The following INSL6 variants were observed in gnomAD, a reference collection of about 807,000 sequenced individuals.
INSL6 encodes the protein insulin like 6, also known as insulin-like peptide INSL6.
In INSL6, 16 loss-of-function variants were observed where a neutral mutation model predicts 9.4. The observed-to-expected ratio is 1.70, with a 90% confidence interval of 1.15 to 2.59. INSL6 has a LOEUF of 2.59. INSL6 is among the 30% of genes most tolerant of loss of function. The pLI, the probability that INSL6 is intolerant of heterozygous loss-of-function variation, is 0.00. For missense variants in INSL6, 391 were observed against 257.3 expected (o/e 1.52, Z -3.56); for synonymous variants, 154 against 96.9 (o/e 1.59, Z -3.46).
At chr9:5,087,833 T>C in the INSL6 span, among the ~76,000 whole-genome samples, 1 of 152,224 alleles carries the variant, frequency 6.6e-6, no homozygotes, top group East Asian at 1.9e-4. Flanking sequence ...CAAATATTTA[T>C]TTATAAGAAT....
the INSL6 span, chr9:5,050,844 T>G: frequency 6.2e-7 from 1 of 1,606,964 alleles, no homozygotes; most frequent in Non-Finnish European, 8.5e-7. Flanking sequence ...AATTTTCTTT[T>G]GCAAATCCTT....
chr9:5,175,710 G>GT (rs1825286973), intron 1 of INSL6, among the ~76,000 whole-genome samples: 1 of 152,102 alleles, frequency 6.6e-6, no homozygotes, highest in Non-Finnish European at 1.5e-5. Flanking sequence ...TCTTATAGGA[G>GT]TGTGAACCCT....
chr9:5,060,420 A>C, the INSL6 span, among the ~76,000 whole-genome samples: 3 of 152,204 alleles, frequency 2.0e-5, no homozygotes, highest in Non-Finnish European at 4.4e-5. Flanking sequence ...AGTCCTCTCA[A>C]ACCCTGCCAC....
chr9:5,174,578 C>T (rs1825256340), intron 1 of INSL6, among the ~76,000 whole-genome samples: 1 of 152,142 alleles, frequency 6.6e-6, no homozygotes, highest in East Asian at 1.9e-4. Flanking sequence ...GTTGGTGTTT[C>T]TGAGGACTCA....
chr9:5,103,157 G>C, the INSL6 span, among the ~76,000 whole-genome samples: 1 of 127,764 alleles, frequency 7.8e-6, no homozygotes, highest in Admixed American at 9.4e-5. Flanking sequence ...CCAATCTCAT[G>C]TGCAGAGAAA....
intron 1 of INSL6, among the ~76,000 whole-genome samples, chr9:5,184,916 C>T (rs554499314): frequency 6.6e-6 from 1 of 152,144 alleles, no homozygotes; most frequent in Non-Finnish European, 1.5e-5. Context: ...CCAATGACGA[C>T]AGTCAAATAC....
At chr9:5,066,598 TTTGA>T in the INSL6 span, 1 of 793,048 alleles carries the variant, frequency 1.3e-6, no homozygotes, top group African/African-American at 1.7e-5. Flanking sequence ...AGATTTGACT[TTTGA>T]TTGTTTTAGA....
At chr9:5,015,946 A>G in the INSL6 span, among the ~76,000 whole-genome samples, 10 of 152,322 alleles carry the variant, frequency 6.6e-5, no homozygotes, top group East Asian at 1.9e-3. Context: ...ACATATATAT[A>G]GATTATAAGT....
At chr9:5,049,117 C>T in the INSL6 span, among the ~76,000 whole-genome samples, 6 of 152,254 alleles carry the variant, frequency 3.9e-5, no homozygotes, top group African/African-American at 1.4e-4. Context: ...CTTTTAGTAT[C>T]TTCTGTTTCC....
the INSL6 span, among the ~76,000 whole-genome samples, chr9:5,043,956 A>G: frequency 6.6e-6 from 1 of 152,232 alleles, no homozygotes; most frequent in Non-Finnish European, 1.5e-5. Flanking sequence ...TATGTGAATT[A>G]TATCTCAATA....
At chr9:5,163,478 C>A (rs1235608547), downstream of INSL6, among the ~76,000 whole-genome samples, 2 of 152,110 alleles carry the variant, frequency 1.3e-5, no homozygotes, top group Non-Finnish European at 2.9e-5. Context: ...GGGCTTCTAC[C>A]AGGAATGGTA....
At chr9:5,095,691 T>A in the INSL6 span, among the ~76,000 whole-genome samples, 16 of 152,312 alleles carry the variant, frequency 1.1e-4, 1 homozygote, top group Non-Finnish European at 1.6e-4. Context: ...GTCTCCTATC[T>A]ATCACAATCC....
chr9:5,055,992 G>T, the INSL6 span, among the ~76,000 whole-genome samples: 1 of 151,852 alleles, frequency 6.6e-6, no homozygotes, highest in South Asian at 2.1e-4. Flanking sequence ...AGAGTTTCTT[G>T]TACATTACTG....
the INSL6 span, chr9:5,111,167 G>A: frequency 1.3e-6 from 1 of 754,940 alleles, no homozygotes; most frequent in East Asian, 3.3e-5. Flanking sequence ...GAGTCGCACG[G>A]CAGCCACTCT....
At chr9:5,054,006 C>G in the INSL6 span, among the ~76,000 whole-genome samples, 64 of 152,038 alleles carry the variant, frequency 4.2e-4, no homozygotes, top group African/African-American at 1.5e-3. This position sits in a 1 kb window ranked among gnomAD's most constrained non-coding sequence, Gnocchi z 4.9. Context: ...GATGAATGTA[C>G]AGAAAAGTCA....
In INSL6 at chr9:5,181,319, C is replaced by T. The variant is rs115039632; in HGVS notation, c.289+3995G>A. Among the ~76,000 whole-genome samples, 767 of 151,890 alleles carry T rather than the reference C, an allele frequency of 5.0e-3. 8 individuals carry two copies. Among genetic ancestry groups the T allele is most frequent in the African/African-American group, 0.017 (697 of 41,414 alleles). On this transcript the variant is annotated intron_variant, in intron 1 of 1. Transcript: ENST00000381641. ...AGAGTCACAGTATCAAAAATAGTAA[C>T]GATAAAAGGCCAAATAAATGACCAA... is the stretch of plus-strand genomic sequence containing the variant.
At chr9:5,163,121 C>T (rs192588310), downstream of INSL6, among the ~76,000 whole-genome samples, 2 of 152,268 alleles carry the variant, frequency 1.3e-5, no homozygotes, top group Admixed American at 1.3e-4. Flanking sequence ...AGCCTAGAAG[C>T]CTTATTAAAC....
chr9:5,157,662 G>A (rs1057028067), intron 2 of INSL6, among the ~76,000 whole-genome samples: 4 of 152,248 alleles, frequency 2.6e-5, no homozygotes, highest in Middle Eastern at 3.4e-3. Context: ...TTTGTAATAA[G>A]CTAAAATTTA....
At chr9:5,153,723 C>A (rs971719327) in intron 2 of INSL6, among the ~76,000 whole-genome samples, 1 of 152,164 alleles carries the variant, frequency 6.6e-6, no homozygotes, top group African/African-American at 2.4e-5. Flanking sequence ...CCATTCACAA[C>A]TGCTACTAAG....
Sources: gnomAD v4.1 joint callset for allele counts (sites outside exome capture counted in the v4.1 genomes callset) on GRCh38, gnomAD v4.1.1 for gene constraint, Gnocchi (gnomAD v3.1) non-coding constraint, MANE v1.5 for transcripts, NCBI Gene and HGNC (gene_info 2026-07-23, HGNC 2026-07-21) for gene names.